SPAG16: variants seen among roughly 807,000 people sequenced by gnomAD.
SPAG16 encodes the protein sperm-associated antigen 16 protein.
In SPAG16, 86 loss-of-function variants were observed where a neutral mutation model predicts 80.4. That is an observed-to-expected ratio of 1.07 (90% CI 0.90 to 1.28). SPAG16 has a LOEUF of 1.28. Ranked by LOEUF, SPAG16 falls within the 50% of genes most tolerant of loss-of-function variation. SPAG16 has a pLI of 0.00. For synonymous variants in SPAG16, 294 were observed against 265.9 expected (o/e 1.11, Z -1.03); for missense variants, 870 against 765.3 (o/e 1.14, Z -1.61).
chr2:214,148,205 A>G (rs77417842), intron 14 of SPAG16, among the ~76,000 whole-genome samples: 47 of 152,318 alleles, frequency 3.1e-4, no homozygotes, highest in African/African-American at 1.1e-3. Flanking sequence ...AGTGAAGACT[A>G]TGAGTTGCTG....
In SPAG16 at chr2:213,552,615, T is replaced by C. The variant is rs566150298; in HGVS notation, c.1070+62525T>C. Among the ~76,000 whole-genome samples, 3 of 152,282 alleles carry C rather than the reference T, an allele frequency of 2.0e-5. No homozygotes were observed. The South Asian group carries it at 6.2e-4, about 32-fold the overall frequency. On this transcript the variant is annotated intron_variant, in intron 10 of 15. Transcript: ENST00000331683. ...TTCTCAAACAGTGATATCATCAAGATAGTGGAGTAGGATTGTGATGTTTAA... is the reference window on the plus strand; with the variant it reads ...TTCTCAAACAGTGATATCATCAAGACAGTGGAGTAGGATTGTGATGTTTAA...
chr2:213,725,337 T>G (rs1485130314), intron 10 of SPAG16, among the ~76,000 whole-genome samples: 1 of 152,226 alleles, frequency 6.6e-6, no homozygotes, highest in Non-Finnish European at 1.5e-5. Context: ...TCTCTGGTCT[T>G]TGTTATTCAA....
chr2:214,074,845 A>G (rs2050988723), intron 13 of SPAG16, among the ~76,000 whole-genome samples: 1 of 152,182 alleles, frequency 6.6e-6, no homozygotes. Context: ...ATACCACTAT[A>G]AACGCAATAA....
chr2:214,224,281 CTAAT>C (rs2058650215), intron 15 of SPAG16, among the ~76,000 whole-genome samples: 1 of 152,104 alleles, frequency 6.6e-6, no homozygotes. Flanking sequence ...ATTTTGCTAA[CTAAT>C]TAAAATGTTT....
chr2:213,284,994 C>G (rs184605521), intron 1 of SPAG16, among the ~76,000 whole-genome samples: 9 of 152,242 alleles, frequency 5.9e-5, no homozygotes, highest in African/African-American at 1.9e-4. Context: ...TTCAGAAAGC[C>G]GTCCCAATAA....
chr2:214,121,987 A>G (rs1026468980), intron 14 of SPAG16, among the ~76,000 whole-genome samples: 17 of 151,820 alleles, frequency 1.1e-4, no homozygotes, highest in Admixed American at 1.1e-3. Context: ...AGGCATACTC[A>G]ACCTGTACTA....
At chr2:213,415,925 G>C (rs577061844) in intron 9 of SPAG16, among the ~76,000 whole-genome samples, 2 of 152,340 alleles carry the variant, frequency 1.3e-5, no homozygotes, top group African/African-American at 4.8e-5. Context: ...TCTTTGTGAA[G>C]ATGTTGAGGA....
intron 15 of SPAG16, among the ~76,000 whole-genome samples, chr2:214,379,679 C>A (rs867218176): frequency 2.5e-4 from 38 of 152,292 alleles, no homozygotes; most frequent in South Asian, 1.4e-3. Flanking sequence ...AAGAGTAGAT[C>A]AAGTTGCTTA....
chr2:214,309,371 A>T (rs1341257818), intron 15 of SPAG16, among the ~76,000 whole-genome samples: 1 of 152,038 alleles, frequency 6.6e-6, no homozygotes, highest in African/African-American at 2.4e-5. Context: ...TTCAAATTCT[A>T]AATTCTACTT....
At chr2:213,411,464 A>T (rs1450437099) in intron 9 of SPAG16, among the ~76,000 whole-genome samples, 1 of 152,262 alleles carries the variant, frequency 6.6e-6, no homozygotes, top group Non-Finnish European at 1.5e-5. Flanking sequence ...CACTAGCCAG[A>T]TGGCTTAGGA....
chr2:214,183,322 G>T (rs1008179040), intron 15 of SPAG16, among the ~76,000 whole-genome samples: 1 of 151,900 alleles, frequency 6.6e-6, no homozygotes, highest in Non-Finnish European at 1.5e-5. Flanking sequence ...ACAAAGAGGA[G>T]AATTACTGGT....
intron 10 of SPAG16, among the ~76,000 whole-genome samples, chr2:213,853,351 G>A (rs566492023): frequency 4.6e-5 from 7 of 152,140 alleles, no homozygotes; most frequent in Non-Finnish European, 7.4e-5. Flanking sequence ...ATATCCTCTC[G>A]TAATGCCACT....
chr2:214,395,315 A>T (rs1701305225), intron 15 of SPAG16, among the ~76,000 whole-genome samples: 1 of 152,198 alleles, frequency 6.6e-6, no homozygotes, highest in Admixed American at 6.5e-5. Context: ...AACATTTTGC[A>T]TCCTCACCAG....
intron 15 of SPAG16, among the ~76,000 whole-genome samples, chr2:214,384,267 C>A (rs1297687896): frequency 6.6e-6 from 1 of 152,164 alleles, no homozygotes. Context: ...AATGCTTTTT[C>A]CCCAATCATT....
chr2:213,749,381 A>T (rs367937140), intron 10 of SPAG16, among the ~76,000 whole-genome samples: 1 of 152,176 alleles, frequency 6.6e-6, no homozygotes, highest in East Asian at 1.9e-4. Flanking sequence ...TGATGATTTC[A>T]TTATCAGTTA....
chr2:213,795,259 T>C (rs1206254300), intron 10 of SPAG16, among the ~76,000 whole-genome samples: 1 of 152,170 alleles, frequency 6.6e-6, no homozygotes, highest in Non-Finnish European at 1.5e-5. Flanking sequence ...GGAAAAGAAA[T>C]TATTTTCATG....
intron 13 of SPAG16, among the ~76,000 whole-genome samples, chr2:214,062,217 C>A (rs908203274): frequency 6.6e-6 from 1 of 151,688 alleles, no homozygotes; most frequent in African/African-American, 2.4e-5. Flanking sequence ...GTCAGGAGTT[C>A]GAGACCAGCC....
intron 12 of SPAG16, among the ~76,000 whole-genome samples, chr2:213,970,965 ATAAAG>A (rs2045015011): frequency 6.6e-6 from 1 of 152,180 alleles, no homozygotes; most frequent in Non-Finnish European, 1.5e-5. Flanking sequence ...TTGATACCAA[ATAAAG>A]TAATTAGGTT....
In SPAG16 at chr2:214,390,331, C is replaced by CTTT. The variant is rs5838433; in HGVS notation, c.1721-19801_1721-19799dup. Among the ~76,000 whole-genome samples, 736 of 112,532 alleles carry CTTT rather than the reference C, an allele frequency of 6.5e-3. 4 individuals are homozygous for CTTT. Among genetic ancestry groups the CTTT allele is most frequent in the Middle Eastern group, 0.016 (3 of 184 alleles). The allele number at this position is 112,532 out of a possible 152,430, so 73.8% of individuals were successfully genotyped here. A position where few individuals can be genotyped will look rare whatever the true frequency, so the allele number is the denominator to read the frequency against. ...AATTGATGCTAAATGAATGGGTATG[C>CTTT]TTTTTTTTTTAAAAAAAAAAAAAAA... On this transcript the variant is annotated intron_variant, in intron 15 of 15. Transcript: ENST00000331683.
Sources: gnomAD v4.1 joint callset for allele counts (sites outside exome capture counted in the v4.1 genomes callset) on GRCh38, gnomAD v4.1.1 for gene constraint, MANE v1.5 for transcripts, NCBI Gene and HGNC (gene_info 2026-07-23, HGNC 2026-07-21) for gene names.